DTX2: variants seen among roughly 807,000 people sequenced by gnomAD.
DTX2 encodes deltex E3 ubiquitin ligase 2, also known as probable E3 ubiquitin-protein ligase DTX2.
Under a neutral mutation model 55.3 loss-of-function variants are expected in DTX2, and 29 were observed. The ratio of observed to expected loss-of-function variants is 0.52; its 90% CI spans 0.39 to 0.71. The LOEUF is 0.71. Among genes scored for constraint, DTX2 ranks in the 30% least tolerant of loss-of-function variants. The pLI is 0.00. For synonymous variants in DTX2, 276 were observed against 340.4 expected, an observed-to-expected ratio of 0.81 and a Z score of 2.08; for missense variants, 537 against 822.5, an observed-to-expected ratio of 0.65 and a Z score of 4.25.
At position 76,505,585 on chromosome 7, in the gene DTX2, G is replaced by C; in HGVS notation, c.1853G>C (p.Cys618Ser). ...ELAAQGVTEDCLEQQ is the reference protein window; with the variant it reads ...ELAAQGVTEDSLEQQ ...GCTGCCCAGGGGGTGACCGAGGACT[G>C]CCTGGAGCAGCAGTGACCTCGCACC... The change falls in exon 11 of 11, where the codon TGC becomes TCC. Residue 618 changes from cysteine (C) to serine (S), a missense_variant. Cys to Ser is a moderately radical substitution (Grantham distance 112, BLOSUM62 -1). This residue lies in a region of DTX2 where 59 missense variants were observed against 54.1 expected (regional missense o/e 1.09). Coordinates refer to ENST00000430490, the MANE Select transcript of DTX2 (RefSeq NM_001102594.3). The surrounding 1 kb of genome is among the most constrained non-coding windows in gnomAD (Gnocchi z 4.4). The C allele has an allele frequency of 6.4e-7, 1 of 1,564,430 alleles. No individual in the cohort carries two copies. The highest frequency in any genetic ancestry group is 8.6e-7 in the Non-Finnish European group (1 of 1,158,608).
chr7:76,486,865 G>GCTT (rs1809970176), intron 4 of DTX2, among the ~76,000 whole-genome samples: 1 of 134,706 alleles, frequency 7.4e-6, no homozygotes, highest in Admixed American at 7.5e-5. Flanking sequence ...TGCTGCTGCT[G>GCTT]CTGCTGCTGC....
intron 2 of DTX2, among the ~76,000 whole-genome samples, chr7:76,473,852 CTT>C (rs1351738632): frequency 8.0e-6 from 1 of 124,442 alleles, no homozygotes; most frequent in Non-Finnish European, 1.7e-5. Context: ...TCATGGTTCT[CTT>C]GAAGAAAAAT....
chr7:76,474,414 G>C (rs1563726902), intron 2 of DTX2, among the ~76,000 whole-genome samples: 4 of 151,960 alleles, frequency 2.6e-5, no homozygotes, highest in South Asian at 2.1e-4. Context: ...GCTTGTAAAA[G>C]TCTGGAAACC....
intron 2 of DTX2, among the ~76,000 whole-genome samples, chr7:76,475,792 CAG>C (rs1271392400): frequency 1.8e-5 from 2 of 109,764 alleles, no homozygotes; most frequent in African/African-American, 6.9e-5. Flanking sequence ...TTTTATGAGA[CAG>C]GGTCTCTGTC....
At chr7:76,474,712 G>C (rs1443531648) in intron 2 of DTX2, 28 of 152,120 alleles carry the variant, frequency 1.8e-4, no homozygotes, top group Admixed American at 1.6e-3. Flanking sequence ...AGATCCAAGT[G>C]TGTGGCTCAC....
chr7:76,505,498 G>C lies in DTX2; in HGVS notation c.1766G>C (p.Arg589Pro). The C allele has an allele frequency of 6.2e-7, 1 of 1,609,264 alleles. No homozygotes were observed. The highest frequency in any genetic ancestry group is 8.5e-7 in the Non-Finnish European group (1 of 1,178,036). The stretch of plus-strand genomic sequence containing the variant: ...ATCCACCACAAGACAGAGATGGACC[G>C]CAACATTACGGGCCACGGCTATCCC... ...NEIHHKTEMD[R>P]NITGHGYPDP... is the part of the protein sequence containing the mutation. The change falls in exon 11 of 11, where the codon CGC (arginine) becomes CCC (proline). Residue 589 changes from arginine (R) to proline (P), a missense_variant. By Grantham distance (103) the Arg-to-Pro change is moderately radical. Coordinates refer to ENST00000430490, the MANE Select transcript of DTX2 (RefSeq NM_001102594.3). This position sits in a 1 kb window ranked among gnomAD's most constrained non-coding sequence, Gnocchi z 4.4.
chr7:76,501,661 G>A (rs2280611), intron 7 of DTX2, among the ~76,000 whole-genome samples: 41,474 of 142,266 alleles, frequency 0.29, 2,611 homozygotes, highest in East Asian at 0.38. Context: ...CTGGCTCCTC[G>A]TTCAGAACGT....
At chr7:76,499,391 C>T (rs1484882985) in intron 6 of DTX2, among the ~76,000 whole-genome samples, 2 of 150,964 alleles carry the variant, frequency 1.3e-5, no homozygotes, top group East Asian at 3.9e-4. Flanking sequence ...ACCTCCCTGC[C>T]AAACTGTCCC....
At position 76,505,063 on chromosome 7, in the gene DTX2, C is replaced by T. The variant is rs918160821; in HGVS notation, c.1642-311C>T. 2.8e-3 allele frequency among the ~76,000 whole-genome samples: 43 copies of T among 15,556 alleles called. No individual in the cohort carries two copies. The highest frequency in any genetic ancestry group is 0.014 in the African/African-American group (41 of 2,942). 10.2% of individuals were successfully genotyped at this position (15,556 alleles called of 152,430 possible). On this transcript the variant is annotated intron_variant, in intron 10 of 10. Transcript: ENST00000430490. This position sits in a 1 kb window ranked among gnomAD's most constrained non-coding sequence, Gnocchi z 4.4. Reference sequence around the variant, plus strand: ...GATTCCACCAGGGAGGGTGGGTGGGCGGGCGCTCGTCCAGCAACGGCTGTG... The same window carrying T: ...GATTCCACCAGGGAGGGTGGGTGGGTGGGCGCTCGTCCAGCAACGGCTGTG...
At chr7:76,467,948 A>G (rs1228435613) in intron 2 of DTX2, among the ~76,000 whole-genome samples, 3 of 152,298 alleles carry the variant, frequency 2.0e-5, no homozygotes, top group Admixed American at 2.0e-4. Flanking sequence ...GGAGGTCCAG[A>G]TGGCAGGAGC....
At chr7:76,504,968 CGT>C (rs1261313745) in intron 10 of DTX2, among the ~76,000 whole-genome samples, 1 of 149,236 alleles carries the variant, frequency 6.7e-6, no homozygotes, top group East Asian at 2.0e-4. Flanking sequence ...AAGCTCTGGC[CGT>C]GTGAGAATGG....
chr7:76,473,130 C>T lies in DTX2; in HGVS notation c.-89-7291C>T, dbSNP rs1808142986. On this transcript the variant is annotated intron_variant, in intron 2 of 10. Coordinates refer to ENST00000430490, the MANE Select transcript of DTX2 (RefSeq NM_001102594.3). Reference sequence around the variant, plus strand: ...ATAGGTGTGAGCCACCATGCTCAGCCGCTGATTTTAACTTGTATGTTTTAA... The same window carrying T: ...ATAGGTGTGAGCCACCATGCTCAGCTGCTGATTTTAACTTGTATGTTTTAA... Among the ~76,000 whole-genome samples, 6 of 152,000 alleles carry T rather than the reference C, an allele frequency of 3.9e-5. No homozygotes were observed. The South Asian group carries it at 1.3e-3, about 32-fold the overall frequency.
Position 76,505,627 on chromosome 7 carries a change from T to C in DTX2, c.*26T>C. The C allele has an allele frequency of 6.5e-7, 1 of 1,535,066 alleles. No homozygotes were observed. The highest frequency in any genetic ancestry group is 8.7e-7 in the Non-Finnish European group (1 of 1,144,488). Reference sequence around the variant, plus strand: ...CCTCGCACCCCAGCACGCCCGCCTCTGGTGGCCACCCCGCTGCCCCATGGC... The same window carrying C: ...CCTCGCACCCCAGCACGCCCGCCTCCGGTGGCCACCCCGCTGCCCCATGGC... On this transcript the variant is annotated 3_prime_UTR_variant, in exon 11 of 11. Coordinates refer to ENST00000430490, the MANE Select transcript of DTX2 (RefSeq NM_001102594.3). The surrounding 1 kb of genome is among the most constrained non-coding windows in gnomAD (Gnocchi z 4.4).
chr7:76,500,058 C>G (rs544329534), intron 6 of DTX2: 2 of 369,388 alleles, frequency 5.4e-6, no homozygotes, highest in Non-Finnish European at 1.1e-5. Context: ...TGCCACAACG[C>G]CCCCTGGAGT....
At position 76,505,726 on chromosome 7, in the gene DTX2, A is replaced by ACAC; in HGVS notation, c.*126_*127insACC. ...TTGTTGAGGGTGTGGGGTGTGCCCC[A>ACAC]CCTGAAGCCGGGGCTCCCCCTGCCT... On this transcript the variant is annotated 3_prime_UTR_variant, in exon 11 of 11. Coordinates refer to ENST00000430490, the MANE Select transcript of DTX2 (RefSeq NM_001102594.3). This position sits in a 1 kb window ranked among gnomAD's most constrained non-coding sequence, Gnocchi z 4.4. 5.8e-6 allele frequency: 6 copies of ACAC among 1,036,616 alleles called. No homozygotes were observed. Among genetic ancestry groups the ACAC allele is most frequent in the Non-Finnish European group, 8.3e-6 (6 of 720,818 alleles). 64.2% of individuals were successfully genotyped at this position (1,036,616 alleles called of 1,614,324 possible).
Position 76,505,776 on chromosome 7 carries a change from GGAATT to G in DTX2, c.*177_*181del, listed in dbSNP as rs1343865383. 2.9e-5 allele frequency: 20 copies of G among 699,826 alleles called. No homozygotes were observed. Among genetic ancestry groups the G allele is most frequent in the Non-Finnish European group, 2.9e-5 (12 of 417,898 alleles). 43.4% of individuals were successfully genotyped at this position (699,826 alleles called of 1,614,324 possible). A position where few individuals can be genotyped will look rare whatever the true frequency, so the allele number is the denominator to read the frequency against. On this transcript the variant is annotated 3_prime_UTR_variant, in exon 11 of 11. Transcript: ENST00000430490. This position sits in a 1 kb window ranked among gnomAD's most constrained non-coding sequence, Gnocchi z 4.4. ...TGCCTCTCTCTCCTCCTCCCCTCTG[GGAATT>G]GGGCAGCCCTGGGCAGTTGTACTCA...
intron 5 of DTX2, among the ~76,000 whole-genome samples, chr7:76,493,887 G>A (rs1810646235): frequency 8.2e-6 from 1 of 122,036 alleles, no homozygotes; most frequent in Non-Finnish European, 1.9e-5. Context: ...CTGGGGCTTG[G>A]CGTGTGTGAA....
At chr7:76,468,152 G>C (rs1807387971) in intron 2 of DTX2, among the ~76,000 whole-genome samples, 1 of 152,302 alleles carries the variant, frequency 6.6e-6, no homozygotes, top group Non-Finnish European at 1.5e-5. Flanking sequence ...TGTGGCTCTG[G>C]GGAGCACCTG....
intron 5 of DTX2, among the ~76,000 whole-genome samples, chr7:76,495,465 T>TG (rs1295714559): frequency 2.6e-5 from 4 of 152,108 alleles, no homozygotes; most frequent in Admixed American, 1.3e-4. Context: ...GTCAGGAGTT[T>TG]GGGGGGCTGT....
Sources: gnomAD v4.1 joint callset for allele counts (sites outside exome capture counted in the v4.1 genomes callset) on GRCh38, gnomAD v4.1.1 for gene constraint, gnomAD v4.1.1 regional missense constraint, Gnocchi (gnomAD v3.1) non-coding constraint, MANE v1.5 for transcripts, NCBI Gene and HGNC (gene_info 2026-07-23, HGNC 2026-07-21) for gene names.